HTT: variants seen among roughly 807,000 people sequenced by gnomAD.
HTT encodes the protein huntington disease protein.
Under a neutral mutation model 362.3 loss-of-function variants are expected in HTT, and 104 were observed. The ratio of observed to expected loss-of-function variants is 0.29; its 90% CI spans 0.24 to 0.34. The LOEUF (loss-of-function observed/expected upper bound fraction) is 0.34. Among genes scored for constraint, HTT ranks in the 10% least tolerant of loss-of-function variants. HTT has a pLI of 1.00. For synonymous variants in HTT, 1,577 were observed against 1,548.7 expected (o/e 1.02, Z -0.43); for missense variants, 3,301 against 3,928.6 (o/e 0.84, Z 4.27).
chr4:3,168,290 C>T (rs1372809351), intron 29 of HTT, among the ~76,000 whole-genome samples: 1 of 152,192 alleles, frequency 6.6e-6, no homozygotes, highest in East Asian at 1.9e-4. Flanking sequence ...CACCAACATG[C>T]ATAGGCCTCT....
At chr4:3,148,833 T>C (rs566563692) in intron 26 of HTT, among the ~76,000 whole-genome samples, 3 of 152,170 alleles carry the variant, frequency 2.0e-5, no homozygotes, top group Admixed American at 6.6e-5. Context: ...GGTGCGTGCC[T>C]GTAATCCCAG....
chr4:3,088,312 G>A (rs865813754), intron 2 of HTT, among the ~76,000 whole-genome samples: 5 of 151,544 alleles, frequency 3.3e-5, no homozygotes, highest in East Asian at 3.9e-4. Flanking sequence ...TCAGCCTGGC[G>A]AGTAGCTGGG....
At chr4:3,086,744 A>T (rs1487874083) in intron 1 of HTT, among the ~76,000 whole-genome samples, 195 bp from the exon 2 acceptor site, 1 of 152,198 alleles carries the variant, frequency 6.6e-6, no homozygotes, top group Non-Finnish European at 1.5e-5. Flanking sequence ...TTCTGTGAGC[A>T]GCGTAGCTTG....
Position 3,175,209 on chromosome 4 carries a change from T to C in HTT, c.4407+102T>C, listed in dbSNP as rs926472913. The C allele has an allele frequency of 6.2e-5, 69 of 1,115,044 alleles. No individual in the cohort carries two copies. The African/African-American group carries it at 1.0e-3, about 17-fold the overall frequency. The allele number at this position is 1,115,044 out of a possible 1,614,324, so 69.1% of individuals were successfully genotyped here. A position where few individuals can be genotyped will look rare whatever the true frequency, so the allele number is the denominator to read the frequency against. On this transcript the variant is annotated intron_variant, in intron 33 of 66. Coordinates refer to ENST00000355072, the MANE Select transcript of HTT (RefSeq NM_001388492.1). ...ACTTTAAAGAAATGTGGTCTGCATG[T>C]TTCCCTCATCAGTTGCTGCTGCTTA... is the stretch of plus-strand genomic sequence containing the variant.
intron 26 of HTT, 146 bp from the exon 27 acceptor site, chr4:3,154,147 C>T: frequency 1.6e-6 from 1 of 622,524 alleles, no homozygotes; most frequent in South Asian, 2.0e-5. Context: ...CTGAACTGTA[C>T]ATATCAGGGT....
At chr4:3,184,921 G>C (rs956148029) in intron 37 of HTT, among the ~76,000 whole-genome samples, 1 of 152,134 alleles carries the variant, frequency 6.6e-6, no homozygotes, top group African/African-American at 2.4e-5. Context: ...GGCAGGTGTG[G>C]GGTTCCTAAA....
rs1721789547 is a variant in HTT, at chr4:3,241,279, CGG to C, written c.*1221_*1222del. The C allele has an allele frequency of 6.6e-6, 1 of 152,418 alleles. No homozygotes were observed. Among genetic ancestry groups the C allele is most frequent in the Non-Finnish European group, 1.5e-5 (1 of 68,114 alleles). 9.4% of individuals were successfully genotyped at this position (152,418 alleles called of 1,614,324 possible). ...CCCCCGTTCCAGCTGACATCTTGCA[CGG>C]TGACCCCTTTTAGTCAGGAGAGTGC... On this transcript the variant is annotated 3_prime_UTR_variant, in exon 67 of 67. Coordinates refer to ENST00000355072, the MANE Select transcript of HTT (RefSeq NM_001388492.1).
At chr4:3,238,730 G>GGGCCCCCCCCCCCC in intron 65 of HTT, 88 bp from the exon 66 acceptor site, 4 of 1,096,996 alleles carry the variant, frequency 3.6e-6, no homozygotes, top group Non-Finnish European at 1.3e-6. Context: ...AATGCCTCTG[G>GGGCCCCCCCCCCCC]CCCCCACCCC....
chr4:3,153,620 G>A (rs1717004610), intron 26 of HTT, among the ~76,000 whole-genome samples: 1 of 152,152 alleles, frequency 6.6e-6, no homozygotes, highest in African/African-American at 2.4e-5. Flanking sequence ...TTTAGAAACA[G>A]GAGTTTAAAA....
chr4:3,169,483 T>C (rs1333976411), intron 29 of HTT, among the ~76,000 whole-genome samples: 1 of 152,240 alleles, frequency 6.6e-6, no homozygotes, highest in Non-Finnish European at 1.5e-5. Context: ...TTGTATAGTT[T>C]CTATTATTGT....
At chr4:3,169,811 T>C (rs1249732097) in intron 29 of HTT, among the ~76,000 whole-genome samples, 1 of 152,238 alleles carries the variant, frequency 6.6e-6, no homozygotes, top group Non-Finnish European at 1.5e-5. Context: ...TGACCTCAGG[T>C]GATTCATCCG....
At position 3,142,840 on chromosome 4, in the gene HTT, C is replaced by A. The variant is rs372185076; in HGVS notation, c.3020C>A (p.Ala1007Glu). The A allele has an allele frequency of 6.8e-6, 11 of 1,609,304 alleles. No homozygotes were observed. The highest frequency in any genetic ancestry group is 9.4e-6 in the Non-Finnish European group (11 of 1,175,716). The part of the protein sequence containing the change: ...TMENNLSRVI[A>E]AVSHELITST... ...GAAAATAACCTTTCAAGAGTTATTG[C>A]AGCAGTTTCTCATGAACTAATCACA... The change falls in exon 23 of 67, where the codon GCA becomes GAA. Residue 1007 changes from alanine (A) to glutamate (E), a missense_variant. Around this residue, in one of 4 missense-constraint regions of HTT, gnomAD observed 2,316 missense variants for 2,658.5 expected, o/e 0.87. Coordinates refer to ENST00000355072, the MANE Select transcript of HTT (RefSeq NM_001388492.1).
rs1229569234 is a variant in HTT, at chr4:3,199,667, C to T, written c.5369-65C>T. 7.2e-5 allele frequency: 101 copies of T among 1,404,226 alleles called. 1 individual carries two copies. The highest frequency in any genetic ancestry group is 1.6e-4 in the East Asian group (7 of 43,688). The allele number at this position is 1,404,226 out of a possible 1,614,324, so 87.0% of individuals were successfully genotyped here. A position where few individuals can be genotyped will look rare whatever the true frequency, so the allele number is the denominator to read the frequency against. The stretch of plus-strand genomic sequence containing the variant: ...CTGTTTCATTTTTATGTAAAATCTT[C>T]GCGTAGCCATGTGGCACTGGACCGA... On this transcript the variant is annotated intron_variant, in intron 40 of 66. Transcript: ENST00000355072.
In HTT at chr4:3,074,952, C is replaced by T. The variant is rs768111121; in HGVS notation, c.127C>T (p.Pro43Ser). Residue 43 changes from proline to serine, a missense_variant, in exon 1 of 67, where the codon CCG becomes TCG. Physicochemically the swap from Pro to Ser is moderately conservative, Grantham distance 74. Coordinates refer to ENST00000355072, the MANE Select transcript of HTT (RefSeq NM_001388492.1). ...GCAGCAGCAACAGCCGCCACCGCCG[C>T]CGCCGCCGCCGCCGCCTCCTCAGCT... The part of the protein sequence containing the change: ...QQQQQQPPPP[P>S]PPPPPPQLPQ... The T allele has an allele frequency of 6.7e-7, 1 of 1,492,318 alleles. No individual in the cohort carries two copies. Among genetic ancestry groups the T allele is most frequent in the African/African-American group, 1.5e-5 (1 of 68,180 alleles). 92.4% of individuals were successfully genotyped at this position (1,492,318 alleles called of 1,614,324 possible). A position where few individuals can be genotyped will look rare whatever the true frequency, so the allele number is the denominator to read the frequency against.
chr4:3,236,360 C>A, intron 64 of HTT, 106 bp downstream of exon 64: 1 of 806,200 alleles, frequency 1.2e-6, no homozygotes, highest in Non-Finnish European at 2.2e-6. Context: ...TTGCTGGAGT[C>A]CTGCCAGTGA....
intron 28 of HTT, among the ~76,000 whole-genome samples, chr4:3,158,183 T>C (rs1297341504): frequency 6.6e-6 from 1 of 152,138 alleles, no homozygotes; most frequent in African/African-American, 2.4e-5. Context: ...AGGGTCTCCC[T>C]AAGTTGCCTG....
intron 35 of HTT, among the ~76,000 whole-genome samples, chr4:3,179,403 G>T (rs556977616): frequency 1.3e-5 from 2 of 152,284 alleles, no homozygotes; most frequent in African/African-American, 4.8e-5. Context: ...TGGGAAGCTT[G>T]GTCATCTGTG....
chr4:3,189,128 C>T (rs199983872), intron 40 of HTT, 35 bp downstream of exon 40: 87 of 1,607,210 alleles, frequency 5.4e-5, no homozygotes, highest in African/African-American at 2.0e-4. Context: ...TGGAGTGTCT[C>T]GTTCCCCATT....
intron 8 of HTT, among the ~76,000 whole-genome samples, chr4:3,120,160 CAT>C (rs1715226602): frequency 1.3e-5 from 2 of 152,104 alleles, no homozygotes; most frequent in East Asian, 3.9e-4. Flanking sequence ...AAAAAAGAAA[CAT>C]GTATTTTATA....
Sources: allele counts gnomAD v4.1 joint callset (sites outside exome capture counted in the v4.1 genomes callset), GRCh38; gene constraint gnomAD v4.1.1; regional missense constraint gnomAD v4.1.1; transcripts MANE v1.5; gene names NCBI Gene and HGNC (gene_info 2026-07-23, HGNC 2026-07-21).